The following SYNE2 variants were observed in gnomAD, a reference collection of about 807,000 sequenced individuals.
SYNE2 encodes spectrin repeat containing nuclear envelope protein 2, also known as nesprin-2.
Under a neutral mutation model 856.3 loss-of-function variants are expected in SYNE2, and 431 were observed. That is an observed-to-expected ratio of 0.50 (90% confidence interval 0.47 to 0.55). SYNE2 has a LOEUF of 0.55. Among genes scored for constraint, SYNE2 ranks in the 20% least tolerant of loss-of-function variants. The probability of loss-of-function intolerance (pLI) is 0.00; values close to 1 mark genes in which losing one functional copy is unlikely to be tolerated. For missense variants in SYNE2, 8,129 were observed against 8,023.2 expected (o/e 1.01, Z -0.50); for synonymous variants, 2,923 against 2,872.3 (o/e 1.02, Z -0.56).
At chr14:64,186,324 C>T in intron 96 of SYNE2, 100 bp from the exon 97 acceptor site, 1 of 1,500,730 alleles carries the variant, frequency 6.7e-7, no homozygotes, top group Non-Finnish European at 9.3e-7. Flanking sequence ...CTCCTGGCCT[C>T]CCCTCCCCCA....
At position 64,146,004 on chromosome 14, in the gene SYNE2, G is replaced by A. The variant is rs577412783; in HGVS notation, c.15484-64G>A. ...GCAAAATTGTTTTTTAAAAAATAACGTCATGGCATTTACCTTTTAAAACAT... is the reference window on the plus strand; with the variant it reads ...GCAAAATTGTTTTTTAAAAAATAACATCATGGCATTTACCTTTTAAAACAT... On this transcript the variant is annotated intron_variant, in intron 83 of 115. Transcript: ENST00000555002. The A allele has an allele frequency of 2.8e-4, 338 of 1,187,428 alleles. 1 individual carries two copies. The highest frequency in any genetic ancestry group is 1.8e-3 in the South Asian group (97 of 54,646). 73.6% of individuals were successfully genotyped at this position (1,187,428 alleles called of 1,614,324 possible).
At chr14:64,184,246 A>G (rs1165245047) in intron 96 of SYNE2, among the ~76,000 whole-genome samples, 1 of 151,918 alleles carries the variant, frequency 6.6e-6, no homozygotes, top group Non-Finnish European at 1.5e-5. Flanking sequence ...TGGGCACTGA[A>G]TCCGTGAGCA....
intron 64 of SYNE2, among the ~76,000 whole-genome samples, chr14:64,103,065 C>T (rs1048596322): frequency 1.3e-5 from 2 of 152,140 alleles, no homozygotes; most frequent in East Asian, 1.9e-4. Context: ...ATGGACACTT[C>T]GGTTGCTTCT....
Position 64,129,834 on chromosome 14 carries a change from A to G in SYNE2, c.14072A>G (p.Lys4691Arg), listed in dbSNP as rs1017135781. ...GAGAACGCCGAGAGCCGAGTGGCCA[A>G]ACTAAGAGATGAAGGGGAGAGGCTT... ...ELENAESRVA[K>R]LRDEGERLHL... Residue 4691 changes from lysine to arginine, a missense_variant, in exon 75 of 116, where the codon AAA (lysine) becomes AGA (arginine). Transcript: ENST00000555002. The G allele has an allele frequency of 1.2e-6, 2 of 1,614,082 alleles. No homozygotes were observed. The highest frequency in any genetic ancestry group is 8.5e-7 in the Non-Finnish European group (1 of 1,180,044).
At chr14:63,926,793 C>G (rs1047510791) in intron 2 of SYNE2, among the ~76,000 whole-genome samples, 22 of 152,332 alleles carry the variant, frequency 1.4e-4, no homozygotes, top group African/African-American at 5.1e-4. Context: ...TGTTCTTAAC[C>G]TTGTCATTGA....
intron 45 of SYNE2, among the ~76,000 whole-genome samples, chr14:64,039,868 G>T (rs574188279): frequency 6.6e-6 from 1 of 152,318 alleles, no homozygotes; most frequent in African/African-American, 2.4e-5. Context: ...CTCCAGAATA[G>T]ACACGGGCCC....
chr14:64,081,904 G>A (rs953950737), intron 57 of SYNE2, among the ~76,000 whole-genome samples: 2 of 152,068 alleles, frequency 1.3e-5, no homozygotes, highest in Non-Finnish European at 2.9e-5. Flanking sequence ...GGCTAACACG[G>A]TGAAACCCTG....
At chr14:64,225,197 C>T (rs1340454284) in intron 115 of SYNE2, 122 bp from the exon 116 acceptor site, 31 of 1,563,620 alleles carry the variant, frequency 2.0e-5, no homozygotes, top group Non-Finnish European at 2.5e-5. Flanking sequence ...TGAACCCCAA[C>T]TGTTGGCCCT....
At chr14:64,083,145 C>T (rs146496438) in intron 57 of SYNE2, among the ~76,000 whole-genome samples, 2 of 152,204 alleles carry the variant, frequency 1.3e-5, no homozygotes, top group East Asian at 1.9e-4. Context: ...ACCTCCCTGA[C>T]GTTTGAGAAT....
At chr14:64,104,933 C>A (rs1363385868) in intron 64 of SYNE2, among the ~76,000 whole-genome samples, 1 of 152,080 alleles carries the variant, frequency 6.6e-6, no homozygotes, top group Non-Finnish European at 1.5e-5. Context: ...ACCTATTTTA[C>A]CACCTTTCCT....
At chr14:63,846,044 T>G (rs11302164) in intron 1 of SYNE2, among the ~76,000 whole-genome samples, 7,892 of 47,556 alleles carry the variant, frequency 0.17, 239 homozygotes, top group Middle Eastern at 0.27. Flanking sequence ...GTACCTGCCC[T>G]TTTTTTTTTT....
chr14:64,174,903 C>T (rs755563380), intron 94 of SYNE2, 41 bp from the exon 95 acceptor site: 1 of 1,578,898 alleles, frequency 6.3e-7, no homozygotes. Flanking sequence ...ATTTTGAACA[C>T]ATCAGAAACC....
At chr14:64,132,193 A>C in intron 76 of SYNE2, 72 bp from the exon 77 acceptor site, 1 of 1,551,568 alleles carries the variant, frequency 6.4e-7, no homozygotes, top group Admixed American at 1.7e-5. Context: ...CTGGATATAA[A>C]GTTGAAGTAA....
At chr14:64,048,546 G>A (rs940822719) in intron 46 of SYNE2, 2 of 161,910 alleles carry the variant, frequency 1.2e-5, no homozygotes, top group African/African-American at 4.8e-5. Context: ...ACATAGTTAT[G>A]TTTATGTATT....
intron 1 of SYNE2, among the ~76,000 whole-genome samples, chr14:63,804,439 G>A (rs180695553): frequency 1.4e-4 from 22 of 152,190 alleles, no homozygotes; most frequent in African/African-American, 4.1e-4. Flanking sequence ...AATCGACGAT[G>A]ACCTATATCC....
intron 45 of SYNE2, among the ~76,000 whole-genome samples, chr14:64,038,801 C>T (rs964636475): frequency 3.9e-5 from 6 of 152,210 alleles, no homozygotes; most frequent in African/African-American, 1.4e-4. Flanking sequence ...CAGTACAGTC[C>T]AGCTTCGGCT....
At position 63,949,981 on chromosome 14, in the gene SYNE2, T is replaced by C. The variant is rs2096124209; in HGVS notation, c.565T>C (p.Leu189=). Residue 189 remains leucine, a synonymous_variant, in exon 7 of 116, where the codon TTG becomes CTG. Transcript: ENST00000555002. Reference sequence around the variant, plus strand: ...AATGTCTGCAAGAAAGGCCCTTCTTTTGTGGGCTCAGGAACAATGCGCCAC... The same window carrying C: ...AATGTCTGCAAGAAAGGCCCTTCTTCTGTGGGCTCAGGAACAATGCGCCAC... ...WQMSARKALL[L]WAQEQCATYE... is the part of the protein sequence containing the mutation. The C allele has an allele frequency of 1.9e-6, 3 of 1,614,012 alleles. No homozygotes were observed. Among genetic ancestry groups the C allele is most frequent in the African/African-American group, 2.7e-5 (2 of 74,918 alleles).
chr14:63,970,916 G>A (rs534260165), intron 11 of SYNE2, among the ~76,000 whole-genome samples: 206 of 151,618 alleles, frequency 1.4e-3, no homozygotes, highest in Middle Eastern at 3.4e-3. Flanking sequence ...ACCTCCCAAA[G>A]TGCTGGTATT....
At chr14:64,094,698 G>A (rs2097661891) in intron 61 of SYNE2, among the ~76,000 whole-genome samples, 1 of 152,072 alleles carries the variant, frequency 6.6e-6, no homozygotes, top group Admixed American at 6.5e-5. Flanking sequence ...CAGTAATGAA[G>A]ACTCAGTATT....
Sources: gnomAD v4.1 joint callset for allele counts (sites outside exome capture counted in the v4.1 genomes callset) on GRCh38, gnomAD v4.1.1 for gene constraint, MANE v1.5 for transcripts, NCBI Gene and HGNC (gene_info 2026-07-23, HGNC 2026-07-21) for gene names.